Variants in GUCY2C observed in about 807,000 individuals in gnomAD.
GUCY2C encodes guanylate cyclase 2C, also known as guanylyl cyclase C.
GUCY2C carries 118 observed loss-of-function variants against 131.1 expected under a neutral mutation model. The observed-to-expected ratio is 0.90, with a 90% confidence interval of 0.78 to 1.05. The LOEUF is 1.05. Among genes scored for constraint, GUCY2C ranks in the 50% least tolerant of loss-of-function variants. The probability of loss-of-function intolerance (pLI) is 0.00; values close to 1 mark genes in which losing one functional copy is unlikely to be tolerated. For synonymous variants in GUCY2C, 452 were observed against 457.8 expected (o/e 0.99, Z 0.16); for missense variants, 1,161 against 1,304.4 (o/e 0.89, Z 1.69).
intron 17 of GUCY2C, among the ~76,000 whole-genome samples, chr12:14,641,946 A>G (rs1947413883): frequency 6.6e-6 from 1 of 151,974 alleles, no homozygotes; most frequent in Non-Finnish European, 1.5e-5. Flanking sequence ...CAAAAAAAAA[A>G]ATACAAATTT....
At chr12:14,639,513 G>A (rs1014001852) in intron 19 of GUCY2C, among the ~76,000 whole-genome samples, 3 of 152,130 alleles carry the variant, frequency 2.0e-5, no homozygotes, top group Non-Finnish European at 4.4e-5. Context: ...TTCTTGAGAT[G>A]AGGTGATTAT....
chr12:14,642,084 T>C (rs1483719715), intron 17 of GUCY2C, among the ~76,000 whole-genome samples: 1 of 152,184 alleles, frequency 6.6e-6, no homozygotes, highest in Admixed American at 6.5e-5. Flanking sequence ...CTATGGCTGA[T>C]ATTTTCAAGG....
At chr12:14,622,786 C>G (rs1249495585) in intron 21 of GUCY2C, among the ~76,000 whole-genome samples, 1 of 152,186 alleles carries the variant, frequency 6.6e-6, no homozygotes, top group African/African-American at 2.4e-5. Context: ...AAAGCAGAAT[C>G]AATCATGTAA....
intron 26 of GUCY2C, chr12:14,614,606 G>A (rs560820869): frequency 4.9e-5 from 20 of 408,734 alleles, no homozygotes; most frequent in African/African-American, 4.0e-4. Flanking sequence ...CTGATTCAGG[G>A]AAGCAAGTCT....
At chr12:14,650,495 C>G (rs185842535) in intron 15 of GUCY2C, among the ~76,000 whole-genome samples, 18 of 152,358 alleles carry the variant, frequency 1.2e-4, no homozygotes, top group African/African-American at 3.8e-4. Flanking sequence ...ATCCGCCTGC[C>G]TCGGCCTCCT....
chr12:14,619,523 T>A (rs1359220556), intron 23 of GUCY2C: 1 of 493,302 alleles, frequency 2.0e-6, no homozygotes, highest in Non-Finnish European at 3.6e-6. Flanking sequence ...AGTATTTTGC[T>A]CTCGCAAAGA....
At chr12:14,654,963 T>G (rs530338031) in intron 12 of GUCY2C, among the ~76,000 whole-genome samples, 2 of 152,342 alleles carry the variant, frequency 1.3e-5, no homozygotes, top group Admixed American at 1.3e-4. Flanking sequence ...TAGGAGTCTA[T>G]TTTTGTAACA....
At chr12:14,663,935 T>A (rs1219663210) in intron 10 of GUCY2C, among the ~76,000 whole-genome samples, 1 of 152,206 alleles carries the variant, frequency 6.6e-6, no homozygotes, top group African/African-American at 2.4e-5. Flanking sequence ...CCTGTGCCAT[T>A]AGGGGTCTCA....
At chr12:14,650,747 C>T (rs968758983) in intron 15 of GUCY2C, among the ~76,000 whole-genome samples, 1 of 152,072 alleles carries the variant, frequency 6.6e-6, no homozygotes. Context: ...TCACTTTTTC[C>T]TTGTACCACT....
Position 14,685,971 on chromosome 12 carries a change from A to G in GUCY2C, c.395+190T>C, listed in dbSNP as rs552721812. Among the ~76,000 whole-genome samples, 8 of 152,322 alleles carry G rather than the reference A, an allele frequency of 5.3e-5. No homozygotes were observed. The East Asian group carries it at 1.2e-3, about 22-fold the overall frequency. ...GTCAGATGTTAATGACTCAACCTGA[A>G]TGGCTACAGACATTCACTCCATGCT... On this transcript the variant is annotated intron_variant, in intron 3 of 26. Transcript: ENST00000261170.
At position 14,641,136 on chromosome 12, in the gene GUCY2C, C is replaced by T; in HGVS notation, c.2014G>A (p.Glu672Lys). Residue 672 changes from glutamate (E) to lysine (K), a missense_variant, in exon 18 of 27, where the codon GAG becomes AAG. Glu to Lys is a moderately conservative substitution (Grantham distance 56). Transcript: ENST00000261170. ...DVYSYGIIAQ[E>K]IILRKETFYT... ...AAGGTTTCTTTCCGCAGGATGATCT[C>T]CTGTGCGATGATCCCATAGCTGTAC... The T allele has an allele frequency of 6.2e-7, 1 of 1,613,708 alleles. No individual in the cohort carries two copies.
chr12:14,658,482 G>T (rs1250196927), intron 11 of GUCY2C, among the ~76,000 whole-genome samples: 1 of 152,058 alleles, frequency 6.6e-6, no homozygotes, highest in Non-Finnish European at 1.5e-5. Flanking sequence ...TTGAGACCAG[G>T]CTGGCCAACG....
In GUCY2C at chr12:14,686,209, C is replaced by G. The variant is rs761090634; in HGVS notation, c.347G>C (p.Gly116Ala). ...LRKISNAQRM[G>A]CVLIGPSCTY... Reference sequence around the variant, plus strand: ...ACATGAGGGCCCTATGAGGACACAGCCCATCCGTTGTGCATTCTGTAGGAG... The same window carrying G: ...ACATGAGGGCCCTATGAGGACACAGGCCATCCGTTGTGCATTCTGTAGGAG... Residue 116 changes from glycine (G) to alanine (A), a missense_variant, in exon 3 of 27, where the codon GGC becomes GCC. Gly to Ala is a moderately conservative substitution (Grantham distance 60). Transcript: ENST00000261170. The G allele has an allele frequency of 6.2e-7, 1 of 1,606,584 alleles. No homozygotes were observed. The highest frequency in any genetic ancestry group is 8.5e-7 in the Non-Finnish European group (1 of 1,173,360).
At chr12:14,617,746 C>A (rs1480334565) in intron 24 of GUCY2C, among the ~76,000 whole-genome samples, 1 of 152,158 alleles carries the variant, frequency 6.6e-6, no homozygotes, top group Admixed American at 6.5e-5. Context: ...TACCATGTAC[C>A]ATGATTGCTA....
intron 19 of GUCY2C, among the ~76,000 whole-genome samples, chr12:14,634,095 A>G (rs1414982234): frequency 6.6e-6 from 1 of 152,188 alleles, no homozygotes; most frequent in Non-Finnish European, 1.5e-5. Context: ...ATTATAGTCA[A>G]ATTGTCAAAA....
chr12:14,661,442 T>G (rs1222489770), intron 10 of GUCY2C, among the ~76,000 whole-genome samples: 2 of 151,270 alleles, frequency 1.3e-5, no homozygotes, highest in Non-Finnish European at 3.0e-5. Flanking sequence ...GAGACATGTA[T>G]TTTTTTTTCT....
chr12:14,644,317 G>C (rs918675211), intron 16 of GUCY2C, among the ~76,000 whole-genome samples: 3 of 152,158 alleles, frequency 2.0e-5, no homozygotes, highest in Admixed American at 6.5e-5. Context: ...AGTGAGCTGA[G>C]ATCGCGCCAC....
intron 10 of GUCY2C, among the ~76,000 whole-genome samples, chr12:14,662,675 CA>C (rs35153087): frequency 0.24 from 16,936 of 72,032 alleles, 705 homozygotes; most frequent in South Asian, 0.39. Context: ...GACTCCGTCT[CA>C]AAAAAAAAAA....
intron 15 of GUCY2C, among the ~76,000 whole-genome samples, chr12:14,646,624 A>G (rs536533539): frequency 1.8e-4 from 28 of 152,296 alleles, no homozygotes; most frequent in African/African-American, 6.7e-4. Context: ...GCACCATCTA[A>G]TTTATTCTCA....
Sources: allele counts gnomAD v4.1 joint callset (sites outside exome capture counted in the v4.1 genomes callset), GRCh38; gene constraint gnomAD v4.1.1; transcripts MANE v1.5; gene names NCBI Gene and HGNC (gene_info 2026-07-23, HGNC 2026-07-21).